Variants in PPM1A observed in about 807,000 individuals in gnomAD.
PPM1A encodes the protein protein phosphatase, Mg2+/Mn2+ dependent 1A.
PPM1A carries 7 observed loss-of-function variants against 35.0 expected under a neutral mutation model. The ratio of observed to expected loss-of-function variants is 0.20; its 90% confidence interval spans 0.11 to 0.38. PPM1A has a LOEUF of 0.38. Among genes scored for constraint, PPM1A ranks in the 10% least tolerant of loss-of-function variants. The probability of loss-of-function intolerance (pLI) is 1.00; values close to 1 mark genes in which losing one functional copy is unlikely to be tolerated. For missense variants in PPM1A, 239 were observed against 467.8 expected, an observed-to-expected ratio of 0.51 and a Z score of 4.51; for synonymous variants, 153 against 167.3, an observed-to-expected ratio of 0.91 and a Z score of 0.66.
At chr14:60,290,263 A>G (rs550692935) in intron 4 of PPM1A, among the ~76,000 whole-genome samples, 2 of 152,290 alleles carry the variant, frequency 1.3e-5, no homozygotes, top group East Asian at 1.9e-4. Flanking sequence ...TAGTAGTAGT[A>G]TAATTTGATT....
chr14:60,249,626 C>G lies in PPM1A; in HGVS notation c.-72C>G. 1 of 985,482 alleles carries G rather than the reference C, an allele frequency of 1.0e-6. No homozygotes were observed. The highest frequency in any genetic ancestry group is 1.2e-6 in the Non-Finnish European group (1 of 830,282). 61.0% of individuals were successfully genotyped at this position (985,482 alleles called of 1,614,324 possible). ...CCGCGGTGACCCCCTCCCCGGCTGC[C>G]GCCGCCGCCGCCTCGGCCGACCAGG... is the stretch of plus-strand genomic sequence containing the variant. On this transcript the variant is annotated 5_prime_UTR_variant, in exon 1 of 6. Transcript: ENST00000395076. This position sits in a 1 kb window ranked among gnomAD's most constrained non-coding sequence, Gnocchi z 4.5.
In PPM1A at chr14:60,297,529, C is replaced by A. The variant is rs1471441139; in HGVS notation, c.*5047C>A. ...TTCATTTCTTTTCATTGCTCCAAAA[C>A]CCAGTTTTCAACTAATGGTTTTCTC... On this transcript the variant is annotated 3_prime_UTR_variant, in exon 6 of 6. Coordinates refer to ENST00000395076, the MANE Select transcript of PPM1A (RefSeq NM_021003.5). The A allele has an allele frequency of 6.6e-6, 1 of 151,708 alleles. No homozygotes were observed. Among genetic ancestry groups the A allele is most frequent in the Non-Finnish European group, 1.5e-5 (1 of 67,700 alleles). The allele number at this position is 151,708 out of a possible 1,614,324, so 9.4% of individuals were successfully genotyped here.
At position 60,289,940 on chromosome 14, in the gene PPM1A, T is replaced by G. The variant is rs377272816; in HGVS notation, c.1061+26T>G. The G allele has an allele frequency of 7.0e-7, 1 of 1,423,974 alleles. No individual in the cohort carries two copies. Among genetic ancestry groups the G allele is most frequent in the South Asian group, 1.3e-5 (1 of 79,024 alleles). 88.2% of individuals were successfully genotyped at this position (1,423,974 alleles called of 1,614,324 possible). A position where few individuals can be genotyped will look rare whatever the true frequency, so the allele number is the denominator to read the frequency against. On this transcript the variant is annotated intron_variant, in intron 4 of 5. Coordinates refer to ENST00000395076, the MANE Select transcript of PPM1A (RefSeq NM_021003.5). This position sits in a 1 kb window ranked among gnomAD's most constrained non-coding sequence, Gnocchi z 4.1. ...GTAAGTTACATTCTGTACACTCTTA[T>G]GCTTTATGTCAGTGTATGAAAATGT...
intron 2 of PPM1A, among the ~76,000 whole-genome samples, chr14:60,284,756 AATAC>A (rs1177354243): frequency 2.7e-5 from 4 of 149,840 alleles, no homozygotes; most frequent in Non-Finnish European, 4.4e-5. Flanking sequence ...TTTAGCATAT[AATAC>A]ATGCTACACC....
upstream of PPM1A, among the ~76,000 whole-genome samples, chr14:60,247,371 T>C (rs1881849889): frequency 1.3e-5 from 2 of 152,082 alleles, no homozygotes; most frequent in African/African-American, 4.8e-5. Context: ...GGCTCACGAC[T>C]GTAATCCCAG....
At chr14:60,251,241 TATC>T (rs1168649920) in intron 1 of PPM1A, among the ~76,000 whole-genome samples, 16 of 152,262 alleles carry the variant, frequency 1.1e-4, no homozygotes. Context: ...TTTAATTTGA[TATC>T]ATAAAACATT....
chr14:60,270,590 G>C (rs998628156), intron 1 of PPM1A, among the ~76,000 whole-genome samples: 1 of 152,030 alleles, frequency 6.6e-6, no homozygotes, highest in Non-Finnish European at 1.5e-5. Context: ...GAATTTAACA[G>C]GCTGAATTAT....
At chr14:60,264,966 A>G (rs1884200531) in intron 1 of PPM1A, among the ~76,000 whole-genome samples, 1 of 151,840 alleles carries the variant, frequency 6.6e-6, no homozygotes, top group South Asian at 2.1e-4. Context: ...ACAGTTGTTG[A>G]TTTTATTGGC....
chr14:60,261,959 G>A (rs1407803706), intron 1 of PPM1A, among the ~76,000 whole-genome samples: 1 of 152,162 alleles, frequency 6.6e-6, no homozygotes, highest in African/African-American at 2.4e-5. Flanking sequence ...ACCTATATTT[G>A]ACTACTAGGA....
rs374983963 is a variant in PPM1A, at chr14:60,282,663, C to G, written c.-20-21C>G. ...TGTTTATAAGACAGTTATTGACTTT[C>G]CTGTTTCTCTTCCTTTGCAGACCTA... is the stretch of plus-strand genomic sequence containing the variant. On this transcript the variant is annotated intron_variant, in intron 1 of 5. Transcript: ENST00000395076. This position sits in a 1 kb window ranked among gnomAD's most constrained non-coding sequence, Gnocchi z 5.1. The G allele has an allele frequency of 1.9e-6, 3 of 1,601,660 alleles. No individual in the cohort carries two copies. The highest frequency in any genetic ancestry group is 2.6e-6 in the Non-Finnish European group (3 of 1,172,884).
In PPM1A at chr14:60,291,449, G is replaced by A. The variant is rs145377669; in HGVS notation, c.1114G>A (p.Asp372Asn). 8 of 1,573,912 alleles carry A rather than the reference G, an allele frequency of 5.1e-6. No homozygotes were observed. The highest frequency in any genetic ancestry group is 2.3e-5 in the East Asian group (1 of 43,372). The change falls in exon 5 of 6, where the codon GAC becomes AAC. Residue 372 changes from aspartate (D) to asparagine (N), a missense_variant. Asp to Asn is a conservative substitution (Grantham distance 23). Around this residue, in one of 2 missense-constraint regions of PPM1A, gnomAD observed 64 missense variants for 78.6 expected, o/e 0.81. Transcript: ENST00000395076. ...YNRLNPYKND[D>N]TDSTSTDDMW ...TAGACTGAATCCTTACAAAAATGAC[G>A]ACACTGTAAGTAGCATTTTAGCTCC...
upstream of PPM1A, among the ~76,000 whole-genome samples, chr14:60,248,024 T>TA (rs1881902007): frequency 6.6e-6 from 1 of 152,194 alleles, no homozygotes; most frequent in Admixed American, 6.5e-5. Context: ...GAATGTGGTG[T>TA]AGGTCAAATT....
At chr14:60,263,551 A>G (rs965526231) in intron 1 of PPM1A, among the ~76,000 whole-genome samples, 3 of 152,078 alleles carry the variant, frequency 2.0e-5, no homozygotes, top group Admixed American at 6.5e-5. Context: ...AAAGGTGTGC[A>G]TATGCTTGTT....
chr14:60,259,135 T>C (rs721445), intron 1 of PPM1A, among the ~76,000 whole-genome samples: 71,297 of 151,926 alleles, frequency 0.47, 20,423 homozygotes, highest in African/African-American at 0.81. Flanking sequence ...TCTCCCTACA[T>C]ACACAAAAAA....
Position 60,292,120 on chromosome 14 carries a change from G to A in PPM1A, c.1120-333G>A, listed in dbSNP as rs1887690285. Among the ~76,000 whole-genome samples, 1 of 151,904 alleles carries A rather than the reference G, an allele frequency of 6.6e-6. No individual in the cohort carries two copies. Among genetic ancestry groups the A allele is most frequent in the African/African-American group, 2.4e-5 (1 of 41,372 alleles). On this transcript the variant is annotated intron_variant, in intron 5 of 5. Transcript: ENST00000395076. The surrounding 1 kb of genome is among the most constrained non-coding windows in gnomAD (Gnocchi z 4.2). Reference sequence around the variant, plus strand: ...TCTTAATCTTTTCTGATGCATTAAAGGTTTATAAAAGTGGTATTCTAAAAC... The same window carrying A: ...TCTTAATCTTTTCTGATGCATTAAAAGTTTATAAAAGTGGTATTCTAAAAC...
intron 1 of PPM1A, among the ~76,000 whole-genome samples, chr14:60,265,946 A>G (rs1884322278): frequency 6.6e-6 from 1 of 152,244 alleles, no homozygotes; most frequent in Non-Finnish European, 1.5e-5. Flanking sequence ...TGGAGGTGAC[A>G]TTCAAATCAT....
At chr14:60,256,964 T>C (rs1329573965) in intron 1 of PPM1A, 1 of 152,186 alleles carries the variant, frequency 6.6e-6, no homozygotes, top group East Asian at 1.9e-4. Flanking sequence ...GTGATTGAGT[T>C]GGGATTTGAG....
Position 60,289,373 on chromosome 14 carries a change from GGTT to G in PPM1A, c.953-429_953-427del, listed in dbSNP as rs2139582200. Among the ~76,000 whole-genome samples the G allele has an allele frequency of 6.6e-6, 1 of 151,974 alleles. No individual in the cohort carries two copies. The highest frequency in any genetic ancestry group is 1.9e-4 in the East Asian group (1 of 5,180). ...ATCTATAAATTCCCCTATAATTAAG[GGTT>G]GTTATTTTCAAATCTTGAAATTGTT... is the stretch of plus-strand genomic sequence containing the variant. On this transcript the variant is annotated intron_variant, in intron 3 of 5. Transcript: ENST00000395076. This position sits in a 1 kb window ranked among gnomAD's most constrained non-coding sequence, Gnocchi z 4.1.
intron 1 of PPM1A, among the ~76,000 whole-genome samples, chr14:60,260,871 C>G (rs1191951612): frequency 6.6e-6 from 1 of 152,118 alleles, no homozygotes; most frequent in East Asian, 1.9e-4. Context: ...ACTTAAATAA[C>G]AATTCTTGTC....
Sources: gnomAD v4.1 joint callset for allele counts (sites outside exome capture counted in the v4.1 genomes callset) on GRCh38, gnomAD v4.1.1 for gene constraint, gnomAD v4.1.1 regional missense constraint, Gnocchi (gnomAD v3.1) non-coding constraint, MANE v1.5 for transcripts, NCBI Gene and HGNC (gene_info 2026-07-23, HGNC 2026-07-21) for gene names.